DCDC2: variants seen among roughly 807,000 people sequenced by gnomAD.
The protein encoded by DCDC2 is doublecortin domain-containing protein 2.
A neutral mutation model predicts 50.2 loss-of-function variants in DCDC2; 40 were observed. The observed-to-expected ratio is 0.80, with a 90% CI of 0.62 to 1.04. The LOEUF is 1.04. DCDC2 is among the 50% of genes least tolerant of loss of function. The pLI is 0.00. For synonymous variants in DCDC2, 234 were observed against 210.6 expected, an observed-to-expected ratio of 1.11 and a Z score of -0.96; for missense variants, 570 against 581.9, an observed-to-expected ratio of 0.98 and a Z score of 0.21.
At chr6:24,301,220 A>C (rs1391236520) in intron 4 of DCDC2, among the ~76,000 whole-genome samples, 1 of 151,646 alleles carries the variant, frequency 6.6e-6, no homozygotes, top group East Asian at 1.9e-4. Flanking sequence ...AAATACAAAA[A>C]ATTAGCCGGG....
At chr6:24,237,797 T>C (rs1762478874) in intron 7 of DCDC2, among the ~76,000 whole-genome samples, 2 of 152,116 alleles carry the variant, frequency 1.3e-5, no homozygotes, top group South Asian at 4.1e-4. Flanking sequence ...GAAGCCATTA[T>C]CCTAAGCAAA....
intron 6 of DCDC2, among the ~76,000 whole-genome samples, chr6:24,280,072 T>C (rs150381234): frequency 6.6e-6 from 1 of 152,234 alleles, no homozygotes; most frequent in East Asian, 1.9e-4. Flanking sequence ...TAAACAAATC[T>C]GCCTAGAAAA....
At chr6:24,365,999 G>C in the DCDC2 span, among the ~76,000 whole-genome samples, 1 of 151,880 alleles carries the variant, frequency 6.6e-6, no homozygotes, top group African/African-American at 2.4e-5. Context: ...TGTATTTTTA[G>C]TAGAGACGGG....
chr6:24,308,017 C>T (rs1759505571), intron 2 of DCDC2, among the ~76,000 whole-genome samples: 1 of 152,160 alleles, frequency 6.6e-6, no homozygotes, highest in South Asian at 2.1e-4. Flanking sequence ...GAGGAATAAA[C>T]CTCCATAGAC....
chr6:24,252,609 T>C (rs1258399138), intron 7 of DCDC2, among the ~76,000 whole-genome samples: 1 of 152,024 alleles, frequency 6.6e-6, no homozygotes, highest in Non-Finnish European at 1.5e-5. Context: ...GCAAAGAGAT[T>C]TAATGAGCAA....
chr6:24,302,794 GTTC>G (rs1191979822), intron 2 of DCDC2, among the ~76,000 whole-genome samples: 1 of 151,862 alleles, frequency 6.6e-6, no homozygotes, highest in African/African-American at 2.4e-5. Context: ...TCCTCCCACA[GTTC>G]TTTTTTCCAT....
rs191595206 is a variant in DCDC2, at chr6:24,333,425, C to T, written c.348+20144G>A. 4.6e-5 allele frequency among the ~76,000 whole-genome samples: 7 copies of T among 152,238 alleles called. No individual in the cohort carries two copies. The East Asian group carries it at 1.2e-3, about 25-fold the overall frequency. ...TGACCAGAACTCAAAGTAAGAAATA[C>T]GTCTTATGTTGCAATCCAATCCAAT... On this transcript the variant is annotated intron_variant, in intron 2 of 9. Transcript: ENST00000378454.
At chr6:24,304,261 T>A (rs749478178) in intron 2 of DCDC2, among the ~76,000 whole-genome samples, 2 of 152,168 alleles carry the variant, frequency 1.3e-5, no homozygotes, top group Non-Finnish European at 2.9e-5. Flanking sequence ...GGCAGGTGGA[T>A]CTCCTAAGGT....
chr6:24,349,056 G>GA (rs1049680604), intron 2 of DCDC2, among the ~76,000 whole-genome samples: 3 of 151,842 alleles, frequency 2.0e-5, no homozygotes, highest in East Asian at 1.9e-4. Flanking sequence ...AATGGTTATG[G>GA]AAAAAAAAGA....
chr6:24,344,374 TTAA>T (rs1760217948), intron 2 of DCDC2, among the ~76,000 whole-genome samples: 1 of 152,186 alleles, frequency 6.6e-6, no homozygotes, highest in South Asian at 2.1e-4. Flanking sequence ...TCTGAAAAGG[TTAA>T]TAATTCTTTT....
At chr6:24,358,921 TTATATATTA>T (rs1561788551), upstream of DCDC2, among the ~76,000 whole-genome samples, 1 of 26,300 alleles carries the variant, frequency 3.8e-5, no homozygotes, top group Non-Finnish European at 5.7e-5. Context: ...ATTATATATA[TTATATATTA>T]TATATTTTAT....
chr6:24,277,711 A>G (rs1763390094), intron 7 of DCDC2, among the ~76,000 whole-genome samples: 1 of 152,214 alleles, frequency 6.6e-6, no homozygotes, highest in African/African-American at 2.4e-5. Flanking sequence ...GGCAAGGGTT[A>G]CAGACACACA....
intron 8 of DCDC2, among the ~76,000 whole-genome samples, chr6:24,181,310 G>A (rs903332479): frequency 2.6e-5 from 4 of 152,184 alleles, no homozygotes; most frequent in Admixed American, 6.6e-5. Flanking sequence ...GACTGAAAGT[G>A]AGAAAAGTCT....
chr6:24,208,770 A>C (rs1184459041), intron 7 of DCDC2, among the ~76,000 whole-genome samples: 1 of 152,192 alleles, frequency 6.6e-6, no homozygotes, highest in African/African-American at 2.4e-5. Context: ...CTGCTAGACC[A>C]CAAGCTCCTT....
At chr6:24,204,367 C>T (rs1246922769) in intron 8 of DCDC2, among the ~76,000 whole-genome samples, 3 of 152,180 alleles carry the variant, frequency 2.0e-5, no homozygotes, top group African/African-American at 7.2e-5. Context: ...AACCATCATT[C>T]TCAGCAAACT....
intron 2 of DCDC2, among the ~76,000 whole-genome samples, chr6:24,312,844 A>G (rs540311527): frequency 6.6e-5 from 10 of 152,366 alleles, no homozygotes; most frequent in African/African-American, 2.4e-4. Flanking sequence ...CAAACAGATG[A>G]TATGCTATTC....
chr6:24,216,092 A>C (rs1318353192), intron 7 of DCDC2, among the ~76,000 whole-genome samples: 1 of 152,182 alleles, frequency 6.6e-6, no homozygotes, highest in African/African-American at 2.4e-5. Flanking sequence ...CCTGTTAAGC[A>C]TACTGATAGA....
intron 7 of DCDC2, among the ~76,000 whole-genome samples, chr6:24,235,279 T>G (rs1762419240): frequency 6.6e-6 from 1 of 152,224 alleles, no homozygotes; most frequent in Non-Finnish European, 1.5e-5. Flanking sequence ...AGATGGGCCT[T>G]ATTCCTTGTC....
intron 2 of DCDC2, among the ~76,000 whole-genome samples, chr6:24,334,377 A>G (rs1275701231): frequency 6.6e-6 from 1 of 152,186 alleles, no homozygotes; most frequent in East Asian, 1.9e-4. Flanking sequence ...AAGATGCCAA[A>G]TTTTCTTCAA....
Sources: allele counts gnomAD v4.1 joint callset (sites outside exome capture counted in the v4.1 genomes callset), GRCh38; gene constraint gnomAD v4.1.1; transcripts MANE v1.5; gene names NCBI Gene and HGNC (gene_info 2026-07-23, HGNC 2026-07-21).